NOS1AP: variants seen among roughly 807,000 people sequenced by gnomAD.
NOS1AP encodes carboxyl-terminal PDZ ligand of neuronal nitric oxide synthase protein.
In NOS1AP, 21 loss-of-function variants were observed where a neutral mutation model predicts 56.2. The observed-to-expected ratio is 0.37, with a 90% CI of 0.26 to 0.54. The LOEUF is 0.54. Ranked by LOEUF, NOS1AP falls within the 20% of genes least tolerant of loss-of-function variation. The pLI, the probability that NOS1AP is intolerant of heterozygous loss-of-function variation, is 0.84. For synonymous variants in NOS1AP, 270 were observed against 274.6 expected, an observed-to-expected ratio of 0.98 and a Z score of 0.17; for missense variants, 522 against 657.8, an observed-to-expected ratio of 0.79 and a Z score of 2.26.
chr1:162,331,802 C>T (rs148017544), intron 4 of NOS1AP, among the ~76,000 whole-genome samples: 5 of 152,298 alleles, frequency 3.3e-5, no homozygotes, highest in African/African-American at 1.2e-4. Context: ...CTCCCTGCAC[C>T]GACCCCACAG....
At chr1:162,279,913 C>A (rs550648360) in intron 2 of NOS1AP, among the ~76,000 whole-genome samples, 1 of 152,266 alleles carries the variant, frequency 6.6e-6, no homozygotes, top group South Asian at 2.1e-4. Context: ...TGGGAAGTCT[C>A]TTATCATCCC....
chr1:162,090,876 TCA>T (rs1227736154), intron 1 of NOS1AP, among the ~76,000 whole-genome samples: 1 of 152,226 alleles, frequency 6.6e-6, no homozygotes, highest in Non-Finnish European at 1.5e-5. Flanking sequence ...GCTTTCACTA[TCA>T]CATATTTCTA....
At chr1:162,267,531 A>C (rs1654460667) in intron 2 of NOS1AP, among the ~76,000 whole-genome samples, 1 of 150,720 alleles carries the variant, frequency 6.6e-6, no homozygotes, top group African/African-American at 2.5e-5. Context: ...TGGAAAGCCA[A>C]GGTGAGAGGA....
chr1:162,087,866 G>T (rs1053499168), intron 1 of NOS1AP, among the ~76,000 whole-genome samples: 7 of 152,074 alleles, frequency 4.6e-5, no homozygotes, highest in Non-Finnish European at 1.0e-4. Context: ...TGTGATCTCT[G>T]TCTTCCCTTA....
chr1:162,299,829 T>C (rs1001875873), intron 3 of NOS1AP, among the ~76,000 whole-genome samples: 7 of 152,130 alleles, frequency 4.6e-5, no homozygotes, highest in African/African-American at 1.7e-4. Flanking sequence ...CTGACAGTGC[T>C]TCTTCCTAAT....
In NOS1AP at chr1:162,188,486, C is replaced by T. The variant is rs1256979901; in HGVS notation, c.177+34010C>T. 6.6e-6 allele frequency among the ~76,000 whole-genome samples: 1 copy of T among 152,142 alleles called. No individual in the cohort carries two copies. On this transcript the variant is annotated intron_variant, in intron 2 of 9. Coordinates refer to ENST00000361897, the MANE Select transcript of NOS1AP (RefSeq NM_014697.3). This position sits in a 1 kb window ranked among gnomAD's most constrained non-coding sequence, Gnocchi z 4.0. ...AATGGGATTTTTTAGACTGTAGGGGCAGCACTCTTGTTTGTGGGCTCTGAT... is the reference window on the plus strand; with the variant it reads ...AATGGGATTTTTTAGACTGTAGGGGTAGCACTCTTGTTTGTGGGCTCTGAT...
intron 2 of NOS1AP, among the ~76,000 whole-genome samples, chr1:162,239,837 G>A (rs1046832820): frequency 1.3e-5 from 2 of 152,194 alleles, no homozygotes; most frequent in Admixed American, 6.5e-5. Context: ...TAATGACTTC[G>A]AGAATAATTT....
chr1:162,096,604 C>T (rs752484477), intron 1 of NOS1AP, among the ~76,000 whole-genome samples: 1 of 152,034 alleles, frequency 6.6e-6, no homozygotes, highest in African/African-American at 2.4e-5. Flanking sequence ...TTATTTTCCC[C>T]ATATATTTAT....
At chr1:162,103,778 C>T (rs1380412740) in intron 1 of NOS1AP, among the ~76,000 whole-genome samples, 1 of 152,082 alleles carries the variant, frequency 6.6e-6, no homozygotes, top group Non-Finnish European at 1.5e-5. Context: ...TTTCCATTTG[C>T]TTGGTAAATT....
At chr1:162,347,887 A>T (rs1657354791) in intron 6 of NOS1AP, among the ~76,000 whole-genome samples, 1 of 152,154 alleles carries the variant, frequency 6.6e-6, no homozygotes, top group South Asian at 2.1e-4. Context: ...CTTCACCTCC[A>T]TGCAGACATC....
intron 4 of NOS1AP, among the ~76,000 whole-genome samples, chr1:162,306,650 T>G (rs1410306141): frequency 1.3e-5 from 2 of 152,184 alleles, no homozygotes; most frequent in Admixed American, 1.3e-4. Flanking sequence ...TAAGAATAGT[T>G]TCATCAGTCG....
chr1:162,166,358 C>A (rs1650496296), intron 2 of NOS1AP, among the ~76,000 whole-genome samples: 1 of 152,262 alleles, frequency 6.6e-6, no homozygotes, highest in African/African-American at 2.4e-5. Context: ...CCTGAGGCCA[C>A]AGCAGCATAT....
At chr1:162,142,586 C>T (rs920785361) in intron 1 of NOS1AP, among the ~76,000 whole-genome samples, 12 of 151,886 alleles carry the variant, frequency 7.9e-5, no homozygotes, top group Non-Finnish European at 1.8e-4. Context: ...TGTATGTTGC[C>T]GAATTTGTCT....
At chr1:162,128,199 A>G (rs946092990) in intron 1 of NOS1AP, among the ~76,000 whole-genome samples, 17 of 152,130 alleles carry the variant, frequency 1.1e-4, no homozygotes, top group African/African-American at 4.1e-4. Flanking sequence ...TATGCAGCAT[A>G]AGGTAAAAAA....
intron 2 of NOS1AP, among the ~76,000 whole-genome samples, chr1:162,240,707 G>C (rs1199564361): frequency 6.6e-6 from 1 of 152,210 alleles, no homozygotes; most frequent in East Asian, 1.9e-4. Flanking sequence ...ACAACCCCAA[G>C]GGAAAGATAC....
intron 2 of NOS1AP, among the ~76,000 whole-genome samples, chr1:162,253,767 T>A (rs1653939650): frequency 6.6e-6 from 1 of 152,246 alleles, no homozygotes; most frequent in Non-Finnish European, 1.5e-5. Context: ...TTTTTTCTTT[T>A]AAACATCTCT....
chr1:162,269,106 A>G (rs986746394), intron 2 of NOS1AP, among the ~76,000 whole-genome samples: 4 of 152,228 alleles, frequency 2.6e-5, no homozygotes, highest in Admixed American at 2.6e-4. Context: ...TTTGCCAAAC[A>G]TAGCTGTGCT....
intron 1 of NOS1AP, among the ~76,000 whole-genome samples, chr1:162,114,034 G>T (rs993413607): frequency 1.3e-5 from 2 of 152,238 alleles, no homozygotes; most frequent in African/African-American, 4.8e-5. Context: ...CCGTGGTGGT[G>T]TGGTAAATAT....
chr1:162,360,493 A>G, intron 8 of NOS1AP: 1 of 289,938 alleles, frequency 3.4e-6, no homozygotes, highest in Non-Finnish European at 6.8e-6. Context: ...GGCCAGGTCT[A>G]TTCACAGTTT....
Sources: gnomAD v4.1 joint callset for allele counts (sites outside exome capture counted in the v4.1 genomes callset) on GRCh38, gnomAD v4.1.1 for gene constraint, Gnocchi (gnomAD v3.1) non-coding constraint, MANE v1.5 for transcripts, NCBI Gene and HGNC (gene_info 2026-07-23, HGNC 2026-07-21) for gene names.